Variants in IMP4 observed in about 807,000 individuals in gnomAD.
The protein encoded by IMP4 is U3 small nucleolar ribonucleoprotein IMP4.
IMP4 carries 30 observed loss-of-function variants against 42.7 expected under a neutral mutation model. That is an observed-to-expected ratio of 0.70 (90% CI 0.53 to 0.95). The LOEUF is 0.95. Among genes scored for constraint, IMP4 ranks in the 40% least tolerant of loss-of-function variants. IMP4 has a pLI of 0.00. For missense variants in IMP4, 382 were observed against 411.4 expected (o/e 0.93, Z 0.62); for synonymous variants, 165 against 165.2 (o/e 1.00, Z 0.01).
Position 130,347,245 on chromosome 2 carries a change from G to T in IMP4, c.*777G>T, listed in dbSNP as rs14146. The T allele has an allele frequency of 1.3e-5, 2 of 152,122 alleles. No individual in the cohort carries two copies. The highest frequency in any genetic ancestry group is 4.8e-5 in the African/African-American group (2 of 41,366). The allele number at this position is 152,122 out of a possible 1,614,324, so 9.4% of individuals were successfully genotyped here. ...GGTGGTTCTATTTTTAATTTTTTGA[G>T]GAACCGCCATACTGTTTTCCATAAA... On this transcript the variant is annotated 3_prime_UTR_variant, in exon 9 of 9. Transcript: ENST00000259239.
rs562962174 is a variant in IMP4 at position 130,344,287 on chromosome 2, C to T, written c.113-342C>T. ...AGCTTGCAGTGAGCCGAGATGGCAC[C>T]ACTGCACTGCTCTGCCTGGGTGACA... On this transcript the variant is annotated intron_variant, in intron 2 of 8. Transcript: ENST00000259239. Among the ~76,000 whole-genome samples, 32 of 151,872 alleles carry T rather than the reference C, an allele frequency of 2.1e-4. No individual in the cohort carries two copies. The South Asian group carries it at 6.6e-3, about 32-fold the overall frequency.
chr2:130,344,568 T>C (rs1679364173), intron 2 of IMP4, 61 bp from the exon 3 acceptor site: 6 of 1,046,124 alleles, frequency 5.7e-6, no homozygotes, highest in South Asian at 1.3e-5. Flanking sequence ...CTGTGGTGTA[T>C]TGGATGAGCT....
In IMP4 at chr2:130,346,199, AG is replaced by A; in HGVS notation, c.690del. On this transcript the variant is annotated splice_acceptor_variant, in intron 7 of 8. Transcript: ENST00000259239. LOFTEE classifies it high-confidence loss of function. Reference sequence around the variant, plus strand: ...CGTTGACCCACAGCTGTTCCCTCCCAGGCACCATGTGTATAAGAAGACAGAC... The same window carrying A: ...CGTTGACCCACAGCTGTTCCCTCCCAGCACCATGTGTATAAGAAGACAGAC... The A allele has an allele frequency of 6.2e-7, 1 of 1,614,048 alleles. No homozygotes were observed. The highest frequency in any genetic ancestry group is 8.5e-7 in the Non-Finnish European group (1 of 1,179,976).
Position 130,345,775 on chromosome 2 carries a change from C to A in IMP4, c.440-4C>A, listed in dbSNP as rs571477609. 6.2e-7 allele frequency: 1 copy of A among 1,613,400 alleles called. No individual in the cohort carries two copies. The highest frequency in any genetic ancestry group is 1.1e-5 in the South Asian group (1 of 91,088). On this transcript the variant is annotated splice_polypyrimidine_tract_variant and splice_region_variant and intron_variant, in intron 5 of 8. Coordinates refer to ENST00000259239, the MANE Select transcript of IMP4 (RefSeq NM_033416.3). The surrounding 1 kb of genome is among the most constrained non-coding windows in gnomAD (Gnocchi z 4.9). ...GGTCTCTGACAGCCACCTTTCCCCG[C>A]CAGTGGGGCTCATCGTCAGCCACCT...
In IMP4 at chr2:130,347,571, TCAA is replaced by T. The variant is rs1398173157; in HGVS notation, c.*1106_*1108del. On this transcript the variant is annotated 3_prime_UTR_variant, in exon 9 of 9. Transcript: ENST00000259239. Reference sequence around the variant, plus strand: ...GTATATTGAACTCTCATCCCTAAGGTCAACAGTTTAGGGAAGCGATTAGGTCCT... The same window carrying T: ...GTATATTGAACTCTCATCCCTAAGGTCAGTTTAGGGAAGCGATTAGGTCCT... The T allele has an allele frequency of 6.6e-6, 1 of 152,192 alleles. No individual in the cohort carries two copies. The highest frequency in any genetic ancestry group is 1.5e-5 in the Non-Finnish European group (1 of 68,038). The allele number at this position is 152,192 out of a possible 1,614,324, so 9.4% of individuals were successfully genotyped here.
Position 130,345,028 on chromosome 2 carries a change from C to A in IMP4, c.196+316C>A, listed in dbSNP as rs1679411756. The A allele has an allele frequency of 1.8e-6, 1 of 552,328 alleles. No individual in the cohort carries two copies. The highest frequency in any genetic ancestry group is 1.9e-5 in the African/African-American group (1 of 53,142). 34.2% of individuals were successfully genotyped at this position (552,328 alleles called of 1,614,324 possible). ...TTTATTCACTGCATTATTCAAGAAA[C>A]AAGAAAGGAATCCCAAACATTATAG... On this transcript the variant is annotated intron_variant, in intron 3 of 8. Transcript: ENST00000259239. This position sits in a 1 kb window ranked among gnomAD's most constrained non-coding sequence, Gnocchi z 4.9.
chr2:130,343,032 G>A (rs1679149352), intron 1 of IMP4, 54 bp from the exon 2 acceptor site: 1 of 1,605,448 alleles, frequency 6.2e-7, no homozygotes, highest in African/African-American at 1.3e-5. Context: ...CGGGGCTCCG[G>A]GGTTCCGGGG....
chr2:130,346,376 A>G lies in IMP4; in HGVS notation c.784A>G (p.Thr262Ala), dbSNP rs1386354116. 1 of 1,584,834 alleles carries G rather than the reference A, an allele frequency of 6.3e-7. No homozygotes were observed. The highest frequency in any genetic ancestry group is 1.3e-5 in the African/African-American group (1 of 74,432). ...ELKLYMIRLGTLEQEATADVE... is the reference protein window; with the variant it reads ...ELKLYMIRLGALEQEATADVE... ...TGCAGTGTACATGATCCGTCTGGGC[A>G]CGCTGGAGCAGGAGGCCACAGCAGA... The change falls in exon 9 of 9, where the codon ACG becomes GCG. Residue 262 changes from threonine to alanine, a missense_variant. Coordinates refer to ENST00000259239, the MANE Select transcript of IMP4 (RefSeq NM_033416.3).
At position 130,346,070 on chromosome 2, in the gene IMP4, G is replaced by A. The variant is rs758007335; in HGVS notation, c.647G>A (p.Arg216Gln). ...LFPVPKDDSH[R>Q]VITFANQDDY... Reference sequence around the variant, plus strand: ...CCCGTGCCCAAAGATGACAGCCACCGGGTCATCACCTTCGCAAACCAGGAC... The same window carrying A: ...CCCGTGCCCAAAGATGACAGCCACCAGGTCATCACCTTCGCAAACCAGGAC... Residue 216 changes from arginine to glutamine, a missense_variant, in exon 7 of 9, where the codon CGG (arginine) becomes CAG (glutamine). Arg to Gln is a conservative substitution (Grantham distance 43). Transcript: ENST00000259239. 6.8e-6 allele frequency: 11 copies of A among 1,614,042 alleles called. No homozygotes were observed. The highest frequency in any genetic ancestry group is 3.3e-5 in the South Asian group (3 of 91,078).
In IMP4 at chr2:130,345,283, G is replaced by T. The variant is rs1035781470; in HGVS notation, c.197-93G>T. The T allele has an allele frequency of 1.1e-6, 1 of 933,192 alleles. No homozygotes were observed. Among genetic ancestry groups the T allele is most frequent in the Admixed American group, 2.0e-5 (1 of 49,854 alleles). 57.8% of individuals were successfully genotyped at this position (933,192 alleles called of 1,614,324 possible). On this transcript the variant is annotated intron_variant, in intron 3 of 8. Coordinates refer to ENST00000259239, the MANE Select transcript of IMP4 (RefSeq NM_033416.3). This position sits in a 1 kb window ranked among gnomAD's most constrained non-coding sequence, Gnocchi z 4.9. ...GAGCATTCCTATTGTTGAAGGCTTC[G>T]GCAGACAGCGACATCCAGGCGGTCT...
rs779566149 is a variant in IMP4 at position 130,343,113 on chromosome 2, G to A, written c.31G>A (p.Glu11Lys). 5 of 1,556,836 alleles carry A rather than the reference G, an allele frequency of 3.2e-6. No individual in the cohort carries two copies. The highest frequency in any genetic ancestry group is 2.3e-5 in the South Asian group (2 of 86,656). The change falls in exon 2 of 9, where the codon GAG (glutamate) becomes AAG (lysine). Residue 11 changes from glutamate to lysine, a missense_variant. Physicochemically the swap from Glu to Lys is moderately conservative, Grantham distance 56. Transcript: ENST00000259239. MLRREARLRREYLYRKAREEA... is the reference protein window; with the variant it reads MLRREARLRRKYLYRKAREEA... ...GCGCCGCGAGGCCCGCCTGCGCCGC[G>A]AGTACCTGTACCGCAAGGCCCGGGA...
chr2:130,346,261 C>A lies in IMP4; in HGVS notation c.750C>A (p.Arg250=), dbSNP rs551991236. The A allele has an allele frequency of 6.2e-7, 1 of 1,614,146 alleles. No homozygotes were observed. Among genetic ancestry groups the A allele is most frequent in the South Asian group, 1.1e-5 (1 of 91,086 alleles). ...TGGAGCTCACTGAGGTCGGGCCCCGCTTTGAGCTGAAGCGTGAGTTTGAGG... is the reference window on the plus strand; with the variant it reads ...TGGAGCTCACTGAGGTCGGGCCCCGATTTGAGCTGAAGCGTGAGTTTGAGG... ...RNVELTEVGP[R]FELKLYMIRL... The change falls in exon 8 of 9, where the codon CGC becomes CGA. Residue 250 remains arginine (R), a synonymous_variant. Coordinates refer to ENST00000259239, the MANE Select transcript of IMP4 (RefSeq NM_033416.3).
In IMP4 at chr2:130,345,835, A is replaced by C; in HGVS notation, c.496A>C (p.Asn166His). The change falls in exon 6 of 9, where the codon AAT (asparagine) becomes CAT (histidine). Residue 166 changes from asparagine to histidine, a missense_variant. Asn to His is a moderately conservative substitution (Grantham distance 68). Coordinates refer to ENST00000259239, the MANE Select transcript of IMP4 (RefSeq NM_033416.3). The surrounding 1 kb of genome is among the most constrained non-coding windows in gnomAD (Gnocchi z 4.9). Reference protein sequence around the residue: ...FGPTAYFTLCNVVMRHDIPDL... With the variant: ...FGPTAYFTLCHVVMRHDIPDL... Reference sequence around the variant, plus strand: ...TCCTACTGCCTACTTCACGCTGTGCAATGTGGTCATGCGGCATGACATCCC... The same window carrying C: ...TCCTACTGCCTACTTCACGCTGTGCCATGTGGTCATGCGGCATGACATCCC... 1 of 1,614,098 alleles carries C rather than the reference A, an allele frequency of 6.2e-7. No individual in the cohort carries two copies. Among genetic ancestry groups the C allele is most frequent in the Non-Finnish European group, 8.5e-7 (1 of 1,180,014 alleles).
chr2:130,346,825 C>A lies in IMP4; in HGVS notation c.*357C>A. The A allele has an allele frequency of 3.2e-6, 1 of 314,194 alleles. No homozygotes were observed. The highest frequency in any genetic ancestry group is 6.2e-6 in the Non-Finnish European group (1 of 162,482). The allele number at this position is 314,194 out of a possible 1,614,324, so 19.5% of individuals were successfully genotyped here. On this transcript the variant is annotated 3_prime_UTR_variant, in exon 9 of 9. Coordinates refer to ENST00000259239, the MANE Select transcript of IMP4 (RefSeq NM_033416.3). ...AGCAGGCAGATGTGGGTAGCAGGGC[C>A]AGCCTGTGTCAGGGGCAGCCCACCA...
intron 1 of IMP4, 75 bp from the exon 2 acceptor site, chr2:130,343,011 C>T: frequency 6.2e-7 from 1 of 1,610,342 alleles, no homozygotes; most frequent in Non-Finnish European, 8.5e-7. Flanking sequence ...GACTTGGAGG[C>T]TCAGCGGCTC....
Position 130,346,047 on chromosome 2 carries a change from C to T in IMP4, c.624C>T (p.Pro208=), listed in dbSNP as rs376275604. The change falls in exon 7 of 9, where the codon CCC becomes CCT. Residue 208 remains proline (P), a synonymous_variant. Transcript: ENST00000259239. ...RVSDILRYLF[P]VPKDDSHRVI... is the part of the protein sequence containing the mutation. ...CTGACATCCTCCGATACCTATTTCC[C>T]GTGCCCAAAGATGACAGCCACCGGG... 3.6e-5 allele frequency: 58 copies of T among 1,614,050 alleles called. No individual in the cohort carries two copies. The highest frequency in any genetic ancestry group is 1.7e-4 in the Admixed American group (10 of 60,006).
In IMP4 at chr2:130,346,090, CA is replaced by C; in HGVS notation, c.668del (p.Gln223ArgfsTer31). 1 of 1,614,218 alleles carries C rather than the reference CA, an allele frequency of 6.2e-7. No individual in the cohort carries two copies. Among genetic ancestry groups the C allele is most frequent in the Non-Finnish European group, 8.5e-7 (1 of 1,180,018 alleles). ...DSHRVITFAN[Q>X]DDYISFRHHV... is the part of the protein sequence containing the mutation. ...CCACCGGGTCATCACCTTCGCAAAC[CA>C]GGACGACTACATATCATTCCGGTGG... is the stretch of plus-strand genomic sequence containing the variant. On this transcript the variant is annotated frameshift_variant, in exon 7 of 9. Coordinates refer to ENST00000259239, the MANE Select transcript of IMP4 (RefSeq NM_033416.3). LOFTEE classifies it high-confidence loss of function.
At chr2:130,342,996 C>T in intron 1 of IMP4, 61 bp downstream of exon 1, 1 of 1,613,126 alleles carries the variant, frequency 6.2e-7, no homozygotes, top group Non-Finnish European at 8.5e-7. Context: ...GGATGTGGCT[C>T]TGGGGACTTG....
intron 2 of IMP4, among the ~76,000 whole-genome samples, chr2:130,343,753 AAAG>A (rs1161583636): frequency 6.6e-6 from 1 of 151,968 alleles, no homozygotes; most frequent in Admixed American, 6.5e-5. Context: ...AAAAAAAAAA[AAAG>A]AAATTCTCTC....
Sources: allele counts gnomAD v4.1 joint callset (sites outside exome capture counted in the v4.1 genomes callset), GRCh38; gene constraint gnomAD v4.1.1; non-coding constraint Gnocchi (gnomAD v3.1); transcripts MANE v1.5; gene names NCBI Gene and HGNC (gene_info 2026-07-23, HGNC 2026-07-21).